PSD3: variants seen among roughly 807,000 people sequenced by gnomAD.
PSD3 encodes PH and SEC7 domain-containing protein 3.
PSD3 carries 49 observed loss-of-function variants against 105.5 expected under a neutral mutation model. That is an observed-to-expected ratio of 0.46 (90% CI 0.37 to 0.59). The LOEUF is 0.59. Ranked by LOEUF, PSD3 falls within the 20% of genes least tolerant of loss-of-function variation. The pLI, the probability that PSD3 is intolerant of heterozygous loss-of-function variation, is 0.00. For synonymous variants in PSD3, 557 were observed against 457.8 expected, an observed-to-expected ratio of 1.22 and a Z score of -2.77; for missense variants, 1,561 against 1,263.8, an observed-to-expected ratio of 1.24 and a Z score of -3.57.
At chr8:19,030,619 T>C (rs1452609312) in intron 1 of PSD3, among the ~76,000 whole-genome samples, 1 of 152,180 alleles carries the variant, frequency 6.6e-6, no homozygotes, top group Non-Finnish European at 1.5e-5. Context: ...GTAAGCTTCC[T>C]GAGGCCTCCC....
At chr8:18,909,134 C>CT (rs1020443980) in intron 2 of PSD3, among the ~76,000 whole-genome samples, 24 of 152,332 alleles carry the variant, frequency 1.6e-4, no homozygotes, top group African/African-American at 5.8e-4. Context: ...GGCAAATACT[C>CT]TAAGTTGCTT....
chr8:19,052,313 A>C (rs1828556802), intron 1 of PSD3, among the ~76,000 whole-genome samples: 1 of 152,030 alleles, frequency 6.6e-6, no homozygotes, highest in Admixed American at 6.5e-5. Flanking sequence ...CTCTACTAAA[A>C]ATACAAACAT....
At chr8:18,626,231 C>T in intron 11 of PSD3, among the ~76,000 whole-genome samples, 1 of 151,614 alleles carries the variant, frequency 6.6e-6, no homozygotes, top group Middle Eastern at 3.4e-3. Flanking sequence ...GTCTGACAAA[C>T]TGAATGTTTA....
intron 12 of PSD3, 27 bp from the exon 13 acceptor site, chr8:18,575,312 G>C: frequency 2.0e-6 from 3 of 1,506,668 alleles, no homozygotes; most frequent in Non-Finnish European, 2.7e-6. Flanking sequence ...AGAAAATAAA[G>C]GCAAAAATCA....
intron 1 of PSD3, among the ~76,000 whole-genome samples, chr8:19,072,132 C>A (rs1407834452): frequency 6.6e-6 from 1 of 151,074 alleles, no homozygotes; most frequent in Non-Finnish European, 1.5e-5. Context: ...GACGGAGTCT[C>A]CCTCTGTCGC....
intron 11 of PSD3, among the ~76,000 whole-genome samples, chr8:18,624,873 C>T (rs1806367845): frequency 1.3e-5 from 2 of 150,778 alleles, no homozygotes; most frequent in Non-Finnish European, 3.0e-5. Flanking sequence ...TTTTTTTTTA[C>T]TGTTTTTGTA....
chr8:18,961,599 C>A (rs905278792), intron 1 of PSD3, among the ~76,000 whole-genome samples: 1 of 151,884 alleles, frequency 6.6e-6, no homozygotes, highest in African/African-American at 2.4e-5. Flanking sequence ...CTGAGGCAGG[C>A]AGAATTGCTT....
At chr8:19,038,871 C>T (rs985351678) in intron 1 of PSD3, among the ~76,000 whole-genome samples, 1 of 152,182 alleles carries the variant, frequency 6.6e-6, no homozygotes, top group African/African-American at 2.4e-5. Context: ...CAACACCTTT[C>T]TGTGATGGGT....
intron 1 of PSD3, among the ~76,000 whole-genome samples, chr8:19,054,313 T>C (rs543555357): frequency 3.1e-4 from 47 of 152,306 alleles, no homozygotes; most frequent in African/African-American, 1.1e-3. Flanking sequence ...CCCTTGAGAT[T>C]CAGGAGTTTA....
chr8:19,034,717 T>C (rs111353530), intron 1 of PSD3, among the ~76,000 whole-genome samples: 4,666 of 152,214 alleles, frequency 0.031, 102 homozygotes, highest in Non-Finnish European at 0.046. Context: ...GGCCCAGTCT[T>C]TTTGACTCCA....
At chr8:19,029,673 C>T (rs985868998) in intron 1 of PSD3, among the ~76,000 whole-genome samples, 2 of 152,122 alleles carry the variant, frequency 1.3e-5, no homozygotes, top group African/African-American at 4.8e-5. Context: ...TTCCTCTTAC[C>T]ACAGGGAACT....
intron 12 of PSD3, among the ~76,000 whole-genome samples, chr8:18,575,909 G>C (rs1802434504): frequency 6.6e-6 from 1 of 152,126 alleles, no homozygotes; most frequent in Non-Finnish European, 1.5e-5. Context: ...ATAGGTAAAT[G>C]CATATGCTAC....
chr8:18,616,755 C>G (rs1295536592), intron 11 of PSD3, among the ~76,000 whole-genome samples: 2 of 150,000 alleles, frequency 1.3e-5, no homozygotes, highest in African/African-American at 4.9e-5. Context: ...TCCCAAGTAG[C>G]TGGGACTACA....
chr8:18,709,784 C>T (rs926001819), intron 9 of PSD3, among the ~76,000 whole-genome samples: 1 of 152,146 alleles, frequency 6.6e-6, no homozygotes, highest in African/African-American at 2.4e-5. Context: ...AAAAGAAAAA[C>T]AGAAAGCAAC....
chr8:18,728,318 C>T (rs1258197604), intron 9 of PSD3, among the ~76,000 whole-genome samples: 4 of 152,204 alleles, frequency 2.6e-5, no homozygotes, highest in Admixed American at 6.5e-5. Flanking sequence ...TTTATGCCTT[C>T]TCCAAACTTA....
intron 1 of PSD3, among the ~76,000 whole-genome samples, chr8:19,027,653 G>A (rs944613415): frequency 2.6e-5 from 4 of 152,250 alleles, no homozygotes; most frequent in South Asian, 2.1e-4. Flanking sequence ...TTAGCTCTCC[G>A]TAGTTTTGTC....
intron 4 of PSD3, among the ~76,000 whole-genome samples, chr8:18,832,688 G>A (rs999203968): frequency 6.6e-6 from 1 of 152,228 alleles, no homozygotes; most frequent in South Asian, 2.1e-4. Context: ...AAGCCGTTTA[G>A]TGGGCTCACA....
chr8:18,898,555 AC>A (rs1365998941), intron 2 of PSD3, among the ~76,000 whole-genome samples: 1 of 151,672 alleles, frequency 6.6e-6, no homozygotes, highest in African/African-American at 2.4e-5. Context: ...AATCCACATA[AC>A]TTTTGACTCT....
intron 1 of PSD3, among the ~76,000 whole-genome samples, chr8:18,982,356 T>A (rs571618387): frequency 4.6e-5 from 7 of 152,336 alleles, no homozygotes; most frequent in African/African-American, 1.7e-4. Context: ...CCATGAGGGT[T>A]GGAATCAACT....
Sources: allele counts gnomAD v4.1 joint callset (sites outside exome capture counted in the v4.1 genomes callset), GRCh38; gene constraint gnomAD v4.1.1; transcripts MANE v1.5; gene names NCBI Gene and HGNC (gene_info 2026-07-23, HGNC 2026-07-21).